The following RIC1 variants were observed in gnomAD, a reference collection of about 807,000 sequenced individuals.
RIC1 encodes RIC1 partner of RAB6A GEF complex.
A neutral mutation model predicts 169.0 loss-of-function variants in RIC1; 88 were observed. That is an observed-to-expected ratio of 0.52 (90% CI 0.44 to 0.62). The LOEUF is 0.62. Among genes scored for constraint, RIC1 ranks in the 20% least tolerant of loss-of-function variants. RIC1 has a pLI of 0.00. For missense variants in RIC1, 1,877 were observed against 1,725.5 expected (o/e 1.09, Z -1.56); for synonymous variants, 790 against 601.5 (o/e 1.31, Z -4.59).
intron 3 of RIC1, among the ~76,000 whole-genome samples, chr9:5,691,018 T>TTACTTTAATTA (rs1220750521): frequency 6.6e-6 from 1 of 151,956 alleles, no homozygotes; most frequent in Non-Finnish European, 1.5e-5. Flanking sequence ...TAAAGAATTA[T>TTACTTTAATTA]TACTGCTCGC....
chr9:5,679,160 T>C (rs1820645301), intron 2 of RIC1, among the ~76,000 whole-genome samples: 1 of 152,208 alleles, frequency 6.6e-6, no homozygotes, highest in Non-Finnish European at 1.5e-5. Flanking sequence ...GTTGTAGATA[T>C]GTGGCATTAT....
intron 8 of RIC1, among the ~76,000 whole-genome samples, chr9:5,741,769 G>C (rs1263908317): frequency 6.6e-6 from 1 of 152,128 alleles, no homozygotes; most frequent in Non-Finnish European, 1.5e-5. Flanking sequence ...GCCTTTCTGA[G>C]TCTGTTTCTG....
intron 1 of RIC1, among the ~76,000 whole-genome samples, chr9:5,646,604 A>G (rs1818528135): frequency 6.6e-6 from 1 of 152,188 alleles, no homozygotes; most frequent in African/African-American, 2.4e-5. Context: ...GGTATACCTT[A>G]TAGCCAAGGT....
intron 3 of RIC1, among the ~76,000 whole-genome samples, chr9:5,705,750 C>G (rs762498333): frequency 1.3e-5 from 2 of 152,200 alleles, no homozygotes; most frequent in African/African-American, 2.4e-5. Flanking sequence ...CAGTCATTTA[C>G]TGTTGAGTAA....
chr9:5,708,825 T>A (rs1822756448), intron 3 of RIC1, among the ~76,000 whole-genome samples: 1 of 152,158 alleles, frequency 6.6e-6, no homozygotes, highest in African/African-American at 2.4e-5. Context: ...TATATTCTCT[T>A]TTCTCTCTCC....
chr9:5,730,615 G>A (rs1824313758), intron 6 of RIC1, among the ~76,000 whole-genome samples: 1 of 152,082 alleles, frequency 6.6e-6, no homozygotes, highest in East Asian at 1.9e-4. Context: ...TTTTGTTGTA[G>A]GGGTGTGAGG....
rs777346470 is a variant in RIC1 at position 5,763,707 on chromosome 9, T to C, written c.2680T>C (p.Phe894Leu). The stretch of plus-strand genomic sequence containing the variant: ...CACTGTGGCAAAATTTATCACTGAG[T>C]TCCCCCTCTTCCTGCAGACAGTTGT... ...LPTVAKFITEFPLFLQTVVHC... is the reference protein window; with the variant it reads ...LPTVAKFITELPLFLQTVVHC... The change falls in exon 19 of 26, where the codon TTC becomes CTC. Residue 894 changes from phenylalanine (F) to leucine (L), a missense_variant. By Grantham distance (22) the Phe-to-Leu change is conservative (BLOSUM62 0). This residue lies in a region of RIC1 where 92 missense variants were observed against 151.5 expected (regional missense o/e 0.61). Transcript: ENST00000414202. The surrounding 1 kb of genome is among the most constrained non-coding windows in gnomAD (Gnocchi z 5.2). 3.5e-5 allele frequency: 57 copies of C among 1,614,142 alleles called. No homozygotes were observed. Among genetic ancestry groups the C allele is most frequent in the Non-Finnish European group, 4.7e-5 (56 of 1,180,008 alleles).
At chr9:5,765,287 A>C in intron 19 of RIC1, 127 bp from the exon 20 acceptor site, 1 of 946,410 alleles carries the variant, frequency 1.1e-6, no homozygotes, top group African/African-American at 1.7e-5. Flanking sequence ...TTTTAATCTT[A>C]TTATTAAACT....
At chr9:5,743,844 A>G in intron 10 of RIC1, 107 bp downstream of exon 10, 1 of 801,090 alleles carries the variant, frequency 1.2e-6, no homozygotes, top group Non-Finnish European at 2.0e-6. Context: ...AGGGTCTTAC[A>G]CTGTCACCCA....
At chr9:5,764,805 T>C (rs1826588049) in intron 19 of RIC1, among the ~76,000 whole-genome samples, 1 of 152,212 alleles carries the variant, frequency 6.6e-6, no homozygotes, top group Non-Finnish European at 1.5e-5. Context: ...GACAATGTAA[T>C]TTTTTTCTGC....
At chr9:5,683,425 T>A (rs1042472153) in intron 2 of RIC1, among the ~76,000 whole-genome samples, 1 of 152,206 alleles carries the variant, frequency 6.6e-6, no homozygotes, top group Admixed American at 6.5e-5. Flanking sequence ...AGACGCTGTT[T>A]GCCTGGGTAT....
At chr9:5,755,067 G>T (rs1586695899) in intron 15 of RIC1, 137 bp downstream of exon 15, 1 of 480,712 alleles carries the variant, frequency 2.1e-6, no homozygotes, top group East Asian at 3.5e-5. Flanking sequence ...GCTTCTTTTA[G>T]GTAGTGGGAT....
intron 1 of RIC1, among the ~76,000 whole-genome samples, chr9:5,648,628 A>G (rs1392735517): frequency 6.6e-6 from 1 of 152,148 alleles, no homozygotes; most frequent in Non-Finnish European, 1.5e-5. Flanking sequence ...GTACTAATTT[A>G]TATTTCCACC....
chr9:5,732,093 T>C (rs1027356865), intron 6 of RIC1, among the ~76,000 whole-genome samples: 9 of 152,210 alleles, frequency 5.9e-5, no homozygotes, highest in Non-Finnish European at 1.2e-4. Flanking sequence ...AAGTCATCTT[T>C]ATTTGAATTT....
chr9:5,736,615 A>G (rs1824720541), intron 7 of RIC1, among the ~76,000 whole-genome samples: 1 of 152,168 alleles, frequency 6.6e-6, no homozygotes, highest in Admixed American at 6.6e-5. Flanking sequence ...AGAACTTCAG[A>G]GAGCTGTAGA....
intron 3 of RIC1, among the ~76,000 whole-genome samples, chr9:5,704,643 G>A (rs1461834201): frequency 6.6e-6 from 1 of 151,516 alleles, no homozygotes; most frequent in Non-Finnish European, 1.5e-5. Flanking sequence ...TCACTTTCTT[G>A]GTAGTGTATT....
chr9:5,680,271 A>T (rs1428425774), intron 2 of RIC1, among the ~76,000 whole-genome samples: 1 of 152,152 alleles, frequency 6.6e-6, no homozygotes, highest in Non-Finnish European at 1.5e-5. Context: ...TTTTGCTTCA[A>T]TGTTCATCAA....
Position 5,745,920 on chromosome 9 carries a change from TTCTC to T in RIC1, c.1096-7_1096-4del, listed in dbSNP as rs767790424. On this transcript the variant is annotated splice_polypyrimidine_tract_variant and splice_region_variant and intron_variant, in intron 10 of 25. Transcript: ENST00000414202. ...GCTCTGACTTTTTTTCTCCCTCCTC[TTCTC>T]TCTAAGAGCTGGGGTGCAGAAGGCT... 3.1e-6 allele frequency: 5 copies of T among 1,607,526 alleles called. No homozygotes were observed. Among genetic ancestry groups the T allele is most frequent in the Non-Finnish European group, 3.4e-6 (4 of 1,175,288 alleles).
At chr9:5,671,274 A>T (rs12336463) in intron 2 of RIC1, among the ~76,000 whole-genome samples, 29,245 of 135,402 alleles carry the variant, frequency 0.22, 3,354 homozygotes, top group African/African-American at 0.31. Context: ...TATTATTATT[A>T]TTTTTTTTTT....
Sources: gnomAD v4.1 joint callset for allele counts (sites outside exome capture counted in the v4.1 genomes callset) on GRCh38, gnomAD v4.1.1 for gene constraint, gnomAD v4.1.1 regional missense constraint, Gnocchi (gnomAD v3.1) non-coding constraint, MANE v1.5 for transcripts, NCBI Gene and HGNC (gene_info 2026-07-23, HGNC 2026-07-21) for gene names.